Variants in SMG1 observed in about 807,000 individuals in gnomAD.
The protein encoded by SMG1 is serine/threonine-protein kinase SMG1.
SMG1 carries 22 observed loss-of-function variants against 419.9 expected under a neutral mutation model. The observed-to-expected ratio is 0.05, with a 90% CI of 0.04 to 0.07. SMG1 has a LOEUF of 0.07. SMG1 is among the 10% of genes least tolerant of loss of function. The pLI is 1.00. For synonymous variants in SMG1, 1,538 were observed against 1,553.5 expected (o/e 0.99, Z 0.23); for missense variants, 3,185 against 4,342.0 (o/e 0.73, Z 7.49).
At chr16:18,859,429 A>G in intron 27 of SMG1, 127 bp downstream of exon 27, 1 of 652,264 alleles carries the variant, frequency 1.5e-6, no homozygotes. Context: ...GACTTCTACA[A>G]CTAAAATGAA....
Position 18,918,324 on chromosome 16 carries a change from C to A in SMG1, c.92+7626G>T, listed in dbSNP as rs538506781. ...CACTTGAACTATGATTCAAGGCCTA[C>A]AATAGGGTTCCCAACCCAGTGCTTC... On this transcript the variant is annotated intron_variant, in intron 1 of 62. Coordinates refer to ENST00000446231, the MANE Select transcript of SMG1 (RefSeq NM_015092.5). 2.1e-4 allele frequency among the ~76,000 whole-genome samples: 32 copies of A among 152,290 alleles called. 1 individual carries two copies. In the South Asian group the frequency reaches 6.4e-3, roughly 31 times the overall value.
intron 56 of SMG1, among the ~76,000 whole-genome samples, chr16:18,818,818 C>A (rs891849920): frequency 2.3e-5 from 3 of 131,646 alleles, no homozygotes; most frequent in African/African-American, 8.5e-5. Flanking sequence ...GCACAAGGTC[C>A]TTTTTTTTTT....
At chr16:18,854,563 T>C in intron 30 of SMG1, 93 bp downstream of exon 30, 1 of 1,186,856 alleles carries the variant, frequency 8.4e-7, no homozygotes. Flanking sequence ...TGATCAACTT[T>C]GCTATTACTA....
chr16:18,806,100 T>C lies in SMG1; in HGVS notation c.*3469A>G, dbSNP rs2030808412. The C allele has an allele frequency of 6.6e-6, 1 of 152,564 alleles. No homozygotes were observed. The highest frequency in any genetic ancestry group is 6.5e-5 in the Admixed American group (1 of 15,274). 9.5% of individuals were successfully genotyped at this position (152,564 alleles called of 1,614,324 possible). On this transcript the variant is annotated 3_prime_UTR_variant, in exon 63 of 63. Transcript: ENST00000446231. ...ACCCCAGATTAAAAAGGACCGAAGA[T>C]TGCACATCAAGTCTAATATTTGGCT...
At chr16:18,837,183 T>C (rs2033630936) in intron 46 of SMG1, 70 bp downstream of exon 46, 2 of 1,313,798 alleles carry the variant, frequency 1.5e-6, no homozygotes, top group East Asian at 2.4e-5. Flanking sequence ...TAATCCATAT[T>C]GATGTTTACA....
intron 62 of SMG1, among the ~76,000 whole-genome samples, chr16:18,811,318 C>A (rs999644080): frequency 2.0e-5 from 3 of 152,164 alleles, no homozygotes; most frequent in Non-Finnish European, 4.4e-5. Context: ...CTACTGGGAT[C>A]CATCACCAGG....
In SMG1 at chr16:18,892,326, A is replaced by G; in HGVS notation, c.441T>C (p.Ser147=). ...TCCTCCGAAGAAGATTCGACAGTCG[A>G]GACTCATCAGAATAAGACATCGATC... ...QERSMSYSDE[S]RLSNLLRRIT... Residue 147 remains serine, a synonymous_variant, in exon 4 of 63, where the codon TCT becomes TCC. Transcript: ENST00000446231. 1.3e-6 allele frequency: 2 copies of G among 1,549,716 alleles called. No individual in the cohort carries two copies. The highest frequency in any genetic ancestry group is 1.7e-6 in the Non-Finnish European group (2 of 1,146,640).
chr16:18,890,727 A>G, intron 5 of SMG1, 136 bp downstream of exon 5: 2 of 623,912 alleles, frequency 3.2e-6, no homozygotes. Flanking sequence ...AATGCAGATA[A>G]AAATGACAAG....
chr16:18,815,004 C>T (rs2031866668), intron 60 of SMG1, among the ~76,000 whole-genome samples, 171 bp downstream of exon 60: 1 of 151,782 alleles, frequency 6.6e-6, no homozygotes, highest in Non-Finnish European at 1.5e-5. Flanking sequence ...AGGTGTGAGC[C>T]ATCGTGCCTG....
At chr16:18,901,007 A>G (rs2037323905) in intron 1 of SMG1, among the ~76,000 whole-genome samples, 1 of 152,226 alleles carries the variant, frequency 6.6e-6, no homozygotes, top group East Asian at 1.9e-4. Context: ...TAAAATATTA[A>G]TTTGAGAGGC....
intron 55 of SMG1, among the ~76,000 whole-genome samples, chr16:18,821,252 CT>C (rs1201180176): frequency 0.092 from 2,459 of 26,788 alleles, 235 homozygotes; most frequent in African/African-American, 0.29. Context: ...TTTTTTTTTT[CT>C]TTTTTTTTTT....
rs192120634 is a variant in SMG1, at chr16:18,805,616, C to A, written c.*3953G>T. The A allele has an allele frequency of 6.6e-6, 1 of 152,172 alleles. No homozygotes were observed. The highest frequency in any genetic ancestry group is 1.5e-5 in the Non-Finnish European group (1 of 68,032). 9.4% of individuals were successfully genotyped at this position (152,172 alleles called of 1,614,324 possible). A position where few individuals can be genotyped will look rare whatever the true frequency, so the allele number is the denominator to read the frequency against. On this transcript the variant is annotated 3_prime_UTR_variant, in exon 63 of 63. Coordinates refer to ENST00000446231, the MANE Select transcript of SMG1 (RefSeq NM_015092.5). The stretch of plus-strand genomic sequence containing the variant: ...ATGATACAGTGAATTTTCCCCTCCC[C>A]AACGTTTGGAAAAAATTGGGACACT...
At chr16:18,812,993 A>G (rs1160231801) in intron 60 of SMG1, among the ~76,000 whole-genome samples, 1 of 152,174 alleles carries the variant, frequency 6.6e-6, no homozygotes, top group Non-Finnish European at 1.5e-5. Context: ...TACAAAGGAC[A>G]TGAACTCATC....
At chr16:18,858,996 G>A (rs764707462) in intron 28 of SMG1, 26 bp downstream of exon 28, 7 of 1,408,052 alleles carry the variant, frequency 5.0e-6, no homozygotes, top group Non-Finnish European at 3.8e-6. Flanking sequence ...ATAGTCATAA[G>A]AGTGTGCTTG....
chr16:18,807,330 A>C lies in SMG1; in HGVS notation c.*2239T>G, dbSNP rs938517337. On this transcript the variant is annotated 3_prime_UTR_variant, in exon 63 of 63. Transcript: ENST00000446231. Reference sequence around the variant, plus strand: ...AAAGACTTTAATCTTGAGAGAGCAGAGGTAATGTGATGAATGTAATTTGCT... The same window carrying C: ...AAAGACTTTAATCTTGAGAGAGCAGCGGTAATGTGATGAATGTAATTTGCT... The C allele has an allele frequency of 1.8e-4, 28 of 152,326 alleles. 1 individual carries two copies. The highest frequency in any genetic ancestry group is 1.3e-3 in the Admixed American group (20 of 15,304). 9.4% of individuals were successfully genotyped at this position (152,326 alleles called of 1,614,324 possible). A position where few individuals can be genotyped will look rare whatever the true frequency, so the allele number is the denominator to read the frequency against.
chr16:18,911,738 C>T (rs1412101713), intron 1 of SMG1: 1 of 152,034 alleles, frequency 6.6e-6, no homozygotes, highest in Non-Finnish European at 1.5e-5. Context: ...TTTTTCATGA[C>T]ACCAGCCTCT....
chr16:18,896,035 C>T lies in SMG1; in HGVS notation c.412+17G>A, dbSNP rs890205736. The T allele has an allele frequency of 9.3e-6, 15 of 1,611,060 alleles. No individual in the cohort carries two copies. The highest frequency in any genetic ancestry group is 8.9e-5 in the East Asian group (4 of 44,882). ...TTGGAAGGTGTATGTGATTGGTCCCCGTTTTCCCAGCCTTACCCTGTGATT... is the reference window on the plus strand; with the variant it reads ...TTGGAAGGTGTATGTGATTGGTCCCTGTTTTCCCAGCCTTACCCTGTGATT... On this transcript the variant is annotated intron_variant, in intron 3 of 62. Transcript: ENST00000446231.
intron 36 of SMG1, 143 bp from the exon 37 acceptor site, chr16:18,848,176 AT>A: frequency 1.5e-6 from 1 of 665,012 alleles, no homozygotes; most frequent in Non-Finnish European, 2.5e-6. Context: ...CTGATTAAAG[AT>A]TGTGGATATT....
Position 18,854,686 on chromosome 16 carries a change from T to C in SMG1, c.4453A>G (p.Ile1485Val). 4.3e-6 allele frequency: 7 copies of C among 1,613,828 alleles called. No homozygotes were observed. Among genetic ancestry groups the C allele is most frequent in the Non-Finnish European group, 5.1e-6 (6 of 1,179,842 alleles). ...GTATAAAGCAATTTGGTTTTTTCAA[T>C]ATCAAGTTCGGGCCCCCATTTTTCA... ...VDEKWGPELD[I>V]EKTKLLYTAG... Residue 1485 changes from isoleucine (I) to valine (V), a missense_variant, in exon 30 of 63, where the codon ATT becomes GTT. Ile to Val is a conservative substitution (Grantham distance 29). This residue lies in a region of SMG1 where 493 missense variants were observed against 552.9 expected (regional missense o/e 0.89). Transcript: ENST00000446231.
Sources: allele counts gnomAD v4.1 joint callset (sites outside exome capture counted in the v4.1 genomes callset), GRCh38; gene constraint gnomAD v4.1.1; regional missense constraint gnomAD v4.1.1; transcripts MANE v1.5; gene names NCBI Gene and HGNC (gene_info 2026-07-23, HGNC 2026-07-21).